Variants in KIF6 observed in about 807,000 individuals in gnomAD.
KIF6 encodes kinesin family member 6, also known as kinesin-like protein KIF6.
Under a neutral mutation model 112.7 loss-of-function variants are expected in KIF6, and 106 were observed. The observed-to-expected ratio is 0.94, with a 90% CI of 0.80 to 1.11. The LOEUF is 1.11. Among genes scored for constraint, KIF6 ranks in the 50% least tolerant of loss-of-function variants. The pLI, the probability that KIF6 is intolerant of heterozygous loss-of-function variation, is 0.00. For missense variants in KIF6, 929 were observed against 964.0 expected (o/e 0.96, Z 0.48); for synonymous variants, 339 against 339.9 (o/e 1.00, Z 0.03).
intron 12 of KIF6, among the ~76,000 whole-genome samples, chr6:39,543,279 C>T (rs1365002804): frequency 6.6e-6 from 1 of 151,968 alleles, no homozygotes; most frequent in African/African-American, 2.4e-5. Context: ...AGGTCCAGGC[C>T]GAGACCATGC....
At chr6:39,701,234 T>C (rs139707480) in intron 3 of KIF6, among the ~76,000 whole-genome samples, 2 of 152,320 alleles carry the variant, frequency 1.3e-5, no homozygotes, top group East Asian at 3.9e-4. Flanking sequence ...CTGGTACCTA[T>C]GGGATAGCCA....
intron 5 of KIF6, among the ~76,000 whole-genome samples, chr6:39,621,189 TAAGA>T (rs1186727152): frequency 2.2e-5 from 3 of 137,910 alleles, no homozygotes; most frequent in African/African-American, 2.9e-5. Flanking sequence ...AATAACACCG[TAAGA>T]TAGACACACA....
chr6:39,524,783 C>T (rs1307168410), intron 13 of KIF6, among the ~76,000 whole-genome samples: 1 of 152,224 alleles, frequency 6.6e-6, no homozygotes, highest in African/African-American at 2.4e-5. Context: ...AGTCCTGCTC[C>T]TGTCCTCTCA....
chr6:39,639,892 T>C (rs1037725935), intron 3 of KIF6, 135 bp from the exon 4 acceptor site: 15 of 665,150 alleles, frequency 2.3e-5, no homozygotes, highest in Non-Finnish European at 3.6e-5. Context: ...AAAATTTATA[T>C]ATGTGAATAT....
At chr6:39,399,624 G>C (rs966730627) in intron 15 of KIF6, among the ~76,000 whole-genome samples, 3 of 152,240 alleles carry the variant, frequency 2.0e-5, no homozygotes, top group African/African-American at 7.2e-5. Context: ...TATGGGTCCA[G>C]GCAGTGCTCT....
intron 10 of KIF6, among the ~76,000 whole-genome samples, chr6:39,562,407 T>G (rs1780055339): frequency 6.6e-6 from 1 of 152,248 alleles, no homozygotes; most frequent in South Asian, 2.1e-4. Flanking sequence ...ATATCATTTC[T>G]ATAAGACATA....
At chr6:39,421,562 C>T (rs969105547) in intron 14 of KIF6, among the ~76,000 whole-genome samples, 3 of 152,128 alleles carry the variant, frequency 2.0e-5, no homozygotes, top group Middle Eastern at 3.2e-3. Context: ...CAGAGTGCCA[C>T]GACTGCTCTG....
chr6:39,633,052 C>A (rs1784440091), intron 5 of KIF6, among the ~76,000 whole-genome samples: 2 of 151,734 alleles, frequency 1.3e-5, no homozygotes, highest in South Asian at 4.2e-4. Context: ...CTAAGGATAT[C>A]ATACTAGATG....
chr6:39,634,941 A>G lies in KIF6; in HGVS notation c.417T>C (p.Tyr139=), dbSNP rs370077829. 3.1e-6 allele frequency: 5 copies of G among 1,606,812 alleles called. No individual in the cohort carries two copies. In the African/African-American group the frequency reaches 6.7e-5, roughly 22 times the overall value. Residue 139 remains tyrosine (Y), a synonymous_variant, in exon 5 of 23, where the codon TAT becomes TAC. Transcript: ENST00000287152. The stretch of plus-strand genomic sequence containing the variant: ...TTTCCAAATAGGAAATGTGTGTTGT[A>G]TATATTTTGCTGCTGTCCTGATTGG... ...EQLQKDSSKI[Y]TTHISYLEIY...
intron 16 of KIF6, among the ~76,000 whole-genome samples, chr6:39,383,541 C>T (rs372105656): frequency 1.6e-3 from 238 of 152,224 alleles, no homozygotes; most frequent in African/African-American, 4.9e-3. Context: ...GTACTAATAC[C>T]GTACTGTTTT....
intron 3 of KIF6, among the ~76,000 whole-genome samples, chr6:39,675,175 G>A (rs966897204): frequency 1.2e-4 from 18 of 152,258 alleles, no homozygotes; most frequent in Non-Finnish European, 2.1e-4. Context: ...TAATCCTGGG[G>A]CACACATAGG....
At chr6:39,613,866 C>A (rs1282706021) in intron 5 of KIF6, among the ~76,000 whole-genome samples, 1 of 152,178 alleles carries the variant, frequency 6.6e-6, no homozygotes, top group Non-Finnish European at 1.5e-5. Flanking sequence ...ATTTTCAAGT[C>A]TTATAATAAA....
chr6:39,513,916 A>T (rs1298073656), intron 13 of KIF6, among the ~76,000 whole-genome samples: 1 of 152,244 alleles, frequency 6.6e-6, no homozygotes, highest in African/African-American at 2.4e-5. Flanking sequence ...TCTATGGAAA[A>T]TAATATTACA....
Position 39,540,199 on chromosome 6 carries a change from T to G in KIF6, c.1449A>C (p.Lys483Asn). 6.2e-7 allele frequency: 1 copy of G among 1,610,668 alleles called. No individual in the cohort carries two copies. The highest frequency in any genetic ancestry group is 8.5e-7 in the Non-Finnish European group (1 of 1,178,994). Residue 483 changes from lysine to asparagine, a missense_variant, in exon 13 of 23, where the codon AAA becomes AAC. Physicochemically the swap from Lys to Asn is moderately conservative, Grantham distance 94 (BLOSUM62 0). Transcript: ENST00000287152. ...NEINILVNMLKKEKKKAQEAL... is the reference protein window; with the variant it reads ...NEINILVNMLNKEKKKAQEAL... ...CCTCCTGAGCTTTCTTCTTTTCTTT[T>G]TTTAACATGTTGACCAGGATATCTG... is the stretch of plus-strand genomic sequence containing the variant.
At chr6:39,421,893 T>G (rs953160768) in intron 14 of KIF6, among the ~76,000 whole-genome samples, 3 of 152,140 alleles carry the variant, frequency 2.0e-5, no homozygotes, top group African/African-American at 7.2e-5. Flanking sequence ...TGGGCAGGCA[T>G]AAGGCGACAT....
intron 20 of KIF6, 34 bp from the exon 21 acceptor site, chr6:39,345,823 TG>T (rs1414847536): frequency 1.4e-5 from 21 of 1,499,196 alleles, no homozygotes; most frequent in Non-Finnish European, 1.9e-5. Context: ...GCAAAAGGAA[TG>T]GGGGCAAATT....
chr6:39,705,336 A>G (rs1789141028), intron 3 of KIF6, among the ~76,000 whole-genome samples: 1 of 152,252 alleles, frequency 6.6e-6, no homozygotes, highest in Non-Finnish European at 1.5e-5. Context: ...ACTGGCCTAG[A>G]CAAAAGAGCA....
chr6:39,395,972 A>G (rs141275839), intron 15 of KIF6, among the ~76,000 whole-genome samples: 1 of 152,322 alleles, frequency 6.6e-6, no homozygotes, highest in African/African-American at 2.4e-5. Context: ...TTTCACTCCA[A>G]AATAAAACTT....
At chr6:39,620,750 T>TTTTATTTA (rs71543964) in intron 5 of KIF6, among the ~76,000 whole-genome samples, 18,229 of 148,560 alleles carry the variant, frequency 0.12, 1,462 homozygotes, top group East Asian at 0.35. Context: ...CTTAACAACA[T>TTTTATTTA]TTTATTTATT....
Sources: allele counts gnomAD v4.1 joint callset (sites outside exome capture counted in the v4.1 genomes callset), GRCh38; gene constraint gnomAD v4.1.1; transcripts MANE v1.5; gene names NCBI Gene and HGNC (gene_info 2026-07-23, HGNC 2026-07-21).